Variants in CNTNAP4 observed in about 807,000 individuals in gnomAD.
CNTNAP4 encodes the protein contactin-associated protein-like 4.
Under a neutral mutation model 148.4 loss-of-function variants are expected in CNTNAP4, and 98 were observed. The ratio of observed to expected loss-of-function variants is 0.66; its 90% CI spans 0.56 to 0.78. The LOEUF is 0.78. Among genes scored for constraint, CNTNAP4 ranks in the 30% least tolerant of loss-of-function variants. CNTNAP4 has a pLI of 0.00. For missense variants in CNTNAP4, 1,935 were observed against 1,565.6 expected, an observed-to-expected ratio of 1.24 and a Z score of -3.98; for synonymous variants, 730 against 565.1, an observed-to-expected ratio of 1.29 and a Z score of -4.14.
chr16:76,313,638 A>T (rs1157615400), intron 1 of CNTNAP4, among the ~76,000 whole-genome samples: 9 of 152,218 alleles, frequency 5.9e-5, no homozygotes, highest in Non-Finnish European at 8.8e-5. Flanking sequence ...TGGTGAAAGA[A>T]TTTAAGGTAA....
chr16:76,354,750 A>G (rs958699045), intron 2 of CNTNAP4, among the ~76,000 whole-genome samples: 3 of 152,236 alleles, frequency 2.0e-5, no homozygotes, highest in Non-Finnish European at 4.4e-5. Flanking sequence ...GCCATCATTA[A>G]TGTGTGTTTC....
chr16:76,550,265 T>C (rs999556076), intron 21 of CNTNAP4, among the ~76,000 whole-genome samples: 1 of 152,230 alleles, frequency 6.6e-6, no homozygotes, highest in African/African-American at 2.4e-5. Flanking sequence ...TTTTTGTTTC[T>C]ATGTTTATTG....
Position 76,544,199 on chromosome 16 carries a change from A to G in CNTNAP4, c.3442+3409A>G, listed in dbSNP as rs141881175. On this transcript the variant is annotated intron_variant, in intron 21 of 23. Transcript: ENST00000611870. Reference sequence around the variant, plus strand: ...GATATTTCTTCTAAGGGAGTAGCATATAAACATTGCCTTTTTTTTTTTTGG... The same window carrying G: ...GATATTTCTTCTAAGGGAGTAGCATGTAAACATTGCCTTTTTTTTTTTTGG... Among the ~76,000 whole-genome samples, 1,514 of 152,006 alleles carry G rather than the reference A, an allele frequency of 1.0e-2. 45 individuals are homozygous for G. The highest frequency in any genetic ancestry group is 0.04 in the East Asian group (206 of 5,178).
chr16:76,373,881 G>A (rs1396525365), intron 3 of CNTNAP4, among the ~76,000 whole-genome samples: 24 of 131,490 alleles, frequency 1.8e-4, no homozygotes, highest in Admixed American at 1.6e-3. Context: ...GGTGACAAGA[G>A]TGAAACTCCA....
At chr16:76,449,533 T>C (rs2080374939) in intron 6 of CNTNAP4, among the ~76,000 whole-genome samples, 182 bp from the exon 7 acceptor site, 1 of 152,188 alleles carries the variant, frequency 6.6e-6, no homozygotes, top group Non-Finnish European at 1.5e-5. Flanking sequence ...AATAAAGTTC[T>C]AGTGTAAATA....
At chr16:76,469,115 A>G (rs2081279598) in intron 10 of CNTNAP4, among the ~76,000 whole-genome samples, 1 of 152,214 alleles carries the variant, frequency 6.6e-6, no homozygotes, top group Non-Finnish European at 1.5e-5. Context: ...ATACTTCATT[A>G]TGTCTAGAAA....
intron 2 of CNTNAP4, among the ~76,000 whole-genome samples, chr16:76,326,991 C>G (rs1316954214): frequency 1.3e-5 from 2 of 151,880 alleles, no homozygotes; most frequent in Admixed American, 6.6e-5. Context: ...ACCAAAAAAG[C>G]TCATTCACCC....
rs116752023 is a variant in CNTNAP4, at chr16:76,437,083, G to A, written c.538+9484G>A. Among the ~76,000 whole-genome samples the A allele has an allele frequency of 3.1e-3, 473 of 151,940 alleles. 3 individuals are homozygous for A. The highest frequency in any genetic ancestry group is 0.01 in the African/African-American group (430 of 41,332). On this transcript the variant is annotated intron_variant, in intron 4 of 23. Coordinates refer to ENST00000611870, the MANE Select transcript of CNTNAP4 (RefSeq NM_033401.5). ...CTGAGGAGCAAGGAAGCTAGTCCAC[G>A]TTTCAAAGCTGAAGAACTTGGAGTC... is the stretch of plus-strand genomic sequence containing the variant.
intron 23 of CNTNAP4, 106 bp from the exon 24 acceptor site, chr16:76,558,384 A>G (rs2085282080): frequency 1.6e-6 from 1 of 614,740 alleles, no homozygotes; most frequent in Non-Finnish European, 2.8e-6. Flanking sequence ...TATGTAGTAG[A>G]TGCTTAAAGT....
chr16:76,383,817 G>T (rs1480151778), intron 3 of CNTNAP4, among the ~76,000 whole-genome samples: 4 of 152,138 alleles, frequency 2.6e-5, no homozygotes, highest in Non-Finnish European at 5.9e-5. Context: ...GATAAACTTG[G>T]AGGGGACATG....
chr16:76,330,245 C>T (rs1040685676), intron 2 of CNTNAP4, among the ~76,000 whole-genome samples: 2 of 152,120 alleles, frequency 1.3e-5, no homozygotes, highest in Non-Finnish European at 2.9e-5. Context: ...CTCCCTTGAT[C>T]CCTCCTTCTG....
chr16:76,537,869 TAAG>T (rs2084278328), intron 18 of CNTNAP4, among the ~76,000 whole-genome samples: 4 of 152,104 alleles, frequency 2.6e-5, no homozygotes, highest in Admixed American at 2.6e-4. Flanking sequence ...TGAACTCAGA[TAAG>T]AAAGCATTTA....
At chr16:76,501,878 G>A (rs990845888) in intron 15 of CNTNAP4, among the ~76,000 whole-genome samples, 8 of 152,150 alleles carry the variant, frequency 5.3e-5, no homozygotes, top group Non-Finnish European at 1.0e-4. Flanking sequence ...AGACCATCCC[G>A]GCTAAACGGT....
At chr16:76,298,403 G>C (rs2143901466) in intron 1 of CNTNAP4, among the ~76,000 whole-genome samples, 1 of 152,042 alleles carries the variant, frequency 6.6e-6, no homozygotes, top group Non-Finnish European at 1.5e-5. Context: ...AATGAGTTTA[G>C]AATTAACAGT....
Position 76,460,753 on chromosome 16 carries a change from C to CAAAAAAAAAAAAA in CNTNAP4, c.1334-1194_1334-1182dup, listed in dbSNP as rs1158805627. Among the ~76,000 whole-genome samples, 13 of 15,514 alleles carry CAAAAAAAAAAAAA rather than the reference C, an allele frequency of 8.4e-4. 2 individuals are homozygous for CAAAAAAAAAAAAA. The highest frequency in any genetic ancestry group is 1.3e-3 in the African/African-American group (6 of 4,796). 10.2% of individuals were successfully genotyped at this position (15,514 alleles called of 152,430 possible). On this transcript the variant is annotated intron_variant, in intron 8 of 23. Coordinates refer to ENST00000611870, the MANE Select transcript of CNTNAP4 (RefSeq NM_033401.5). ...GGGCGACAGAGCCAGACTCATGTCT[C>CAAAAAAAAAAAAA]AAAAAAAAAAAAAAAAAAAAATATA...
At chr16:76,501,536 C>A (rs1026117540) in intron 15 of CNTNAP4, among the ~76,000 whole-genome samples, 5 of 152,178 alleles carry the variant, frequency 3.3e-5, no homozygotes, top group African/African-American at 1.2e-4. Context: ...CAATCTTGCC[C>A]TGCAGTGGAC....
At chr16:76,513,975 T>C (rs1263276068) in intron 15 of CNTNAP4, among the ~76,000 whole-genome samples, 1 of 152,232 alleles carries the variant, frequency 6.6e-6, no homozygotes, top group Non-Finnish European at 1.5e-5. Context: ...TCTTCTCTGA[T>C]AAATAACTGG....
chr16:76,316,746 G>A (rs1241053020), intron 2 of CNTNAP4, among the ~76,000 whole-genome samples: 4 of 152,144 alleles, frequency 2.6e-5, no homozygotes, highest in Admixed American at 1.3e-4. Flanking sequence ...CATCTGACAA[G>A]CTTTTTATAT....
intron 1 of CNTNAP4, among the ~76,000 whole-genome samples, chr16:76,294,830 G>A (rs1959195647): frequency 6.6e-6 from 1 of 152,184 alleles, no homozygotes. Context: ...TTCTTGAAAT[G>A]TTATTATGGT....
Sources: gnomAD v4.1 joint callset for allele counts (sites outside exome capture counted in the v4.1 genomes callset) on GRCh38, gnomAD v4.1.1 for gene constraint, MANE v1.5 for transcripts, NCBI Gene and HGNC (gene_info 2026-07-23, HGNC 2026-07-21) for gene names.